The following AMPH variants were observed in gnomAD, a reference collection of about 807,000 sequenced individuals.
The protein encoded by AMPH is amphiphysin, also known as amphiphysin (Stiff-Mann syndrome with breast cancer 128kD autoantigen).
In AMPH, 49 loss-of-function variants were observed where a neutral mutation model predicts 99.1. That is an observed-to-expected ratio of 0.49 (90% confidence interval 0.39 to 0.63). The LOEUF (loss-of-function observed/expected upper bound fraction) is 0.63. Ranked by LOEUF, AMPH falls within the 20% of genes least tolerant of loss-of-function variation. The probability of loss-of-function intolerance (pLI) is 0.00; values close to 1 mark genes in which losing one functional copy is unlikely to be tolerated. For missense variants in AMPH, 759 were observed against 863.4 expected (o/e 0.88, Z 1.52); for synonymous variants, 314 against 317.3 (o/e 0.99, Z 0.11).
intron 1 of AMPH, among the ~76,000 whole-genome samples, chr7:38,597,898 A>C (rs1793113958): frequency 6.6e-6 from 1 of 152,244 alleles, no homozygotes; most frequent in African/African-American, 2.4e-5. Context: ...TGGCTCAGAA[A>C]GAGTTCCCTT....
At chr7:38,582,353 C>T (rs1046326562) in intron 1 of AMPH, among the ~76,000 whole-genome samples, 3 of 152,110 alleles carry the variant, frequency 2.0e-5, no homozygotes, top group African/African-American at 7.2e-5. Flanking sequence ...TGTAGAAAGC[C>T]TGACTAGGGT....
At position 38,426,954 on chromosome 7, in the gene AMPH, C is replaced by T. The variant is rs1239642862; in HGVS notation, c.1215G>A (p.Gln405=). ...TCTTGTAAGAAAACAGATTCCTTAC[C>T]TGTGTGAATCCATTAAATGAACCAC... is the stretch of plus-strand genomic sequence containing the variant. The part of the protein sequence containing the change: ...ASGGSFNGFT[Q]PQDTSLFTMQ... The change falls in exon 15 of 21, where the codon CAG becomes CAA. Residue 405 remains glutamine (Q), a splice_region_variant and synonymous_variant. Transcript: ENST00000356264. 3 of 1,612,390 alleles carry T rather than the reference C, an allele frequency of 1.9e-6. No homozygotes were observed. Among genetic ancestry groups the T allele is most frequent in the Non-Finnish European group, 2.5e-6 (3 of 1,179,006 alleles).
At chr7:38,419,450 G>A (rs1785509210) in intron 16 of AMPH, among the ~76,000 whole-genome samples, 1 of 152,030 alleles carries the variant, frequency 6.6e-6, no homozygotes, top group Non-Finnish European at 1.5e-5. Context: ...TGATTTTTAT[G>A]GGCTTTTTTC....
intron 1 of AMPH, among the ~76,000 whole-genome samples, chr7:38,613,824 G>A (rs1207594484): frequency 4.7e-5 from 7 of 149,296 alleles, no homozygotes; most frequent in Admixed American, 4.7e-4. Context: ...AAAAATAGCA[G>A]CTTCTGTAGA....
At chr7:38,424,980 A>T (rs1785731546) in intron 15 of AMPH, among the ~76,000 whole-genome samples, 1 of 152,242 alleles carries the variant, frequency 6.6e-6, no homozygotes, top group South Asian at 2.1e-4. Flanking sequence ...CTGTAAAATT[A>T]TAAGGGAAAA....
At chr7:38,524,418 G>A (rs1380476558) in intron 2 of AMPH, among the ~76,000 whole-genome samples, 1 of 152,212 alleles carries the variant, frequency 6.6e-6, no homozygotes, top group African/African-American at 2.4e-5. Flanking sequence ...CCTCTAACTT[G>A]TCTTTTCATC....
At chr7:38,424,420 T>C (rs1278705866) in intron 15 of AMPH, among the ~76,000 whole-genome samples, 3 of 152,144 alleles carry the variant, frequency 2.0e-5, no homozygotes, top group Admixed American at 6.5e-5. Context: ...AAGAGAATCA[T>C]TCATGACACA....
At chr7:38,415,474 T>C (rs1785348937) in intron 17 of AMPH, among the ~76,000 whole-genome samples, 2 of 152,352 alleles carry the variant, frequency 1.3e-5, no homozygotes, top group South Asian at 4.1e-4. Context: ...AAATACCACG[T>C]ATCTAGCAAC....
rs1183242952 is a variant in AMPH, at chr7:38,592,157, A to C, written c.69+39126T>G. Among the ~76,000 whole-genome samples the C allele has an allele frequency of 4.6e-5, 7 of 152,398 alleles. No individual in the cohort carries two copies. In the East Asian group the frequency reaches 1.3e-3, roughly 29 times the overall value. ...CAGCAGAAACATGTCCTTAAGGCAC[A>C]GATCGCTCATGCTATTGTTTGTGAT... On this transcript the variant is annotated intron_variant, in intron 1 of 20. Transcript: ENST00000356264.
intron 17 of AMPH, among the ~76,000 whole-genome samples, chr7:38,411,243 T>A (rs1048667956): frequency 7.9e-5 from 12 of 152,226 alleles, no homozygotes; most frequent in Non-Finnish European, 1.6e-4. Flanking sequence ...ACAATGCTAC[T>A]GCTCCCTAGT....
At chr7:38,452,097 G>A (rs971611452) in intron 11 of AMPH, among the ~76,000 whole-genome samples, 2 of 152,118 alleles carry the variant, frequency 1.3e-5, no homozygotes, top group African/African-American at 4.8e-5. Flanking sequence ...TCACCGTGAT[G>A]GTGCTTGGTG....
intron 1 of AMPH, among the ~76,000 whole-genome samples, chr7:38,553,044 G>A (rs559928117): frequency 6.6e-6 from 1 of 152,290 alleles, no homozygotes; most frequent in African/African-American, 2.4e-5. Flanking sequence ...ACCAGCAGGA[G>A]AGGAAAGGTC....
intron 1 of AMPH, among the ~76,000 whole-genome samples, chr7:38,553,790 C>A (rs1791262583): frequency 6.6e-6 from 1 of 152,190 alleles, no homozygotes; most frequent in Non-Finnish European, 1.5e-5. Flanking sequence ...GCCCTCTGGG[C>A]AGGGCTGGAA....
intron 15 of AMPH, among the ~76,000 whole-genome samples, chr7:38,423,090 C>T (rs374851415): frequency 1.6e-3 from 240 of 152,266 alleles, no homozygotes; most frequent in African/African-American, 5.5e-3. Context: ...ATCTTTAGTC[C>T]ACAGCTTCTC....
intron 17 of AMPH, among the ~76,000 whole-genome samples, chr7:38,415,083 T>G (rs1379283828): frequency 6.6e-6 from 1 of 152,184 alleles, no homozygotes; most frequent in Non-Finnish European, 1.5e-5. Context: ...CAGTAAAATT[T>G]GATGTTGTTG....
At chr7:38,604,357 A>T (rs1292814290) in intron 1 of AMPH, among the ~76,000 whole-genome samples, 1 of 152,120 alleles carries the variant, frequency 6.6e-6, no homozygotes, top group East Asian at 1.9e-4. Context: ...AAGGTGATAA[A>T]CCCTCCTATC....
At chr7:38,413,528 T>A (rs977209368) in intron 17 of AMPH, among the ~76,000 whole-genome samples, 8 of 152,212 alleles carry the variant, frequency 5.3e-5, no homozygotes, top group African/African-American at 1.9e-4. Flanking sequence ...GCTGTGTGCT[T>A]GGTATCATGA....
intron 2 of AMPH, among the ~76,000 whole-genome samples, chr7:38,507,553 C>A (rs895054945): frequency 2.0e-5 from 3 of 152,186 alleles, no homozygotes; most frequent in Non-Finnish European, 2.9e-5. Flanking sequence ...GATTGTTATT[C>A]TGCAGGAATA....
intron 1 of AMPH, among the ~76,000 whole-genome samples, chr7:38,615,030 C>A (rs1277260422): frequency 6.6e-6 from 1 of 152,142 alleles, no homozygotes; most frequent in Non-Finnish European, 1.5e-5. Context: ...TGGAATTACT[C>A]CCCTACACTA....
Sources: allele counts gnomAD v4.1 joint callset (sites outside exome capture counted in the v4.1 genomes callset), GRCh38; gene constraint gnomAD v4.1.1; transcripts MANE v1.5; gene names NCBI Gene and HGNC (gene_info 2026-07-23, HGNC 2026-07-21).